SORT1: variants seen among roughly 807,000 people sequenced by gnomAD.
SORT1 encodes sortilin 1, also known as sortilin.
A neutral mutation model predicts 101.7 loss-of-function variants in SORT1; 39 were observed. The ratio of observed to expected loss-of-function variants is 0.38; its 90% CI spans 0.30 to 0.50. The LOEUF (loss-of-function observed/expected upper bound fraction) is 0.50, where lower values mean the gene tolerates loss of function less well. SORT1 is among the 20% of genes least tolerant of loss of function. SORT1 has a pLI of 0.90. For missense variants in SORT1, 878 were observed against 1,040.4 expected (o/e 0.84, Z 2.15); for synonymous variants, 396 against 393.7 (o/e 1.01, Z -0.07).
chr1:109,315,624 C>A, intron 17 of SORT1, among the ~76,000 whole-genome samples: 1 of 152,090 alleles, frequency 6.6e-6, no homozygotes, highest in East Asian at 1.9e-4. Flanking sequence ...GGGAAACGGG[C>A]CTGCTGTTGA....
At chr1:109,368,293 CAAAAA>C (rs35637507) in intron 2 of SORT1, among the ~76,000 whole-genome samples, 1 of 59,436 alleles carries the variant, frequency 1.7e-5, no homozygotes, top group Non-Finnish European at 3.3e-5. Flanking sequence ...GACTCTGTCT[CAAAAA>C]AAAAAAAAAA....
intron 1 of SORT1, among the ~76,000 whole-genome samples, chr1:109,376,117 CG>C (rs1651822063): frequency 2.0e-5 from 3 of 151,932 alleles, no homozygotes; most frequent in Non-Finnish European, 4.4e-5. Context: ...CCGAGGCGGG[CG>C]GATCACGAGG....
At chr1:109,327,208 G>A in intron 12 of SORT1, 48 bp from the exon 13 acceptor site, 2 of 1,414,760 alleles carry the variant, frequency 1.4e-6, no homozygotes, top group Non-Finnish European at 2.0e-6. Flanking sequence ...CAATGAAACA[G>A]AGAGCATTTA....
chr1:109,318,038 G>A, intron 15 of SORT1, 69 bp from the exon 16 acceptor site: 1 of 938,856 alleles, frequency 1.1e-6, no homozygotes, highest in South Asian at 1.4e-5. Context: ...AGCAATGAAG[G>A]GTTATGTGGG....
chr1:109,315,626 T>C (rs185912331), intron 17 of SORT1, among the ~76,000 whole-genome samples: 48 of 152,274 alleles, frequency 3.2e-4, no homozygotes, highest in Admixed American at 2.9e-3. Context: ...GAAACGGGCC[T>C]GCTGTTGAGC....
chr1:109,397,660 C>G lies in SORT1; in HGVS notation c.233G>C (p.Ser78Thr). The G allele has an allele frequency of 8.2e-7, 1 of 1,222,584 alleles. No individual in the cohort carries two copies. Among genetic ancestry groups the G allele is most frequent in the South Asian group, 2.1e-5 (1 of 47,766 alleles). 75.7% of individuals were successfully genotyped at this position (1,222,584 alleles called of 1,614,324 possible). ...AFPRGGRWRR[S>T]APGEDEECGR... ...GCACTCCTCGTCCTCGCCCGGCGCG[C>G]TGCGACGCCAACGGCCGCCGCGGGG... Residue 78 changes from serine (S) to threonine (T), a missense_variant, in exon 1 of 20, where the codon AGC (serine) becomes ACC (threonine). Ser to Thr is a moderately conservative substitution (Grantham distance 58, BLOSUM62 1). Transcript: ENST00000256637.
At chr1:109,334,407 T>C (rs576253479) in intron 11 of SORT1, among the ~76,000 whole-genome samples, 9 of 152,254 alleles carry the variant, frequency 5.9e-5, no homozygotes, top group Non-Finnish European at 1.2e-4. Flanking sequence ...CTGGGAGGCA[T>C]TATGTTAAGT....
rs572144102 is a variant in SORT1, at chr1:109,312,826, T to C, written c.*1217A>G. ...CTTTTAATCCAAAATAAGAACTTAA[T>C]GTATCACACAAAGCATCATCTAGAC... On this transcript the variant is annotated 3_prime_UTR_variant, in exon 20 of 20. Coordinates refer to ENST00000256637, the MANE Select transcript of SORT1 (RefSeq NM_002959.7). 1.3e-5 allele frequency: 2 copies of C among 152,212 alleles called. No individual in the cohort carries two copies. Among genetic ancestry groups the C allele is most frequent in the Non-Finnish European group, 2.9e-5 (2 of 68,046 alleles). 9.4% of individuals were successfully genotyped at this position (152,212 alleles called of 1,614,324 possible).
At position 109,345,868 on chromosome 1, in the gene SORT1, C is replaced by T. The variant is rs778828234; in HGVS notation, c.846G>A (p.Gly282=). 1.2e-6 allele frequency: 2 copies of T among 1,612,390 alleles called. No homozygotes were observed. The highest frequency in any genetic ancestry group is 3.3e-5 in the Admixed American group (2 of 59,750). ...CTGAAGTTCTCCATAATTCCAGAGC[C>T]CCAAGGTCAGCTTCTTAAACAAGAC... ...YANGSCKADL[G]ALELWRTSDL... The change falls in exon 8 of 20, where the codon GGG becomes GGA. Residue 282 remains glycine (G), a synonymous_variant. Transcript: ENST00000256637.
At chr1:109,314,108 A>G (rs755291109) in intron 19 of SORT1, 51 bp from the exon 20 acceptor site, 4 of 1,612,624 alleles carry the variant, frequency 2.5e-6, no homozygotes, top group Non-Finnish European at 3.4e-6. Flanking sequence ...CTCCTATTTC[A>G]AAAGCAATCA....
At chr1:109,350,388 C>T (rs1034448791) in intron 6 of SORT1, among the ~76,000 whole-genome samples, 2 of 152,138 alleles carry the variant, frequency 1.3e-5, no homozygotes, top group African/African-American at 4.8e-5. Flanking sequence ...GACGAGACTC[C>T]CAAGTAAGAG....
intron 5 of SORT1, among the ~76,000 whole-genome samples, chr1:109,353,252 C>T (rs546532935): frequency 1.2e-4 from 18 of 146,048 alleles, no homozygotes; most frequent in Admixed American, 7.0e-4. Flanking sequence ...CACTTGTACC[C>T]GGGAGGCGGA....
At position 109,342,032 on chromosome 1, in the gene SORT1, G is replaced by A. The variant is rs142613867; in HGVS notation, c.1090C>T (p.His364Tyr). The A allele has an allele frequency of 6.2e-7, 1 of 1,613,638 alleles. No homozygotes were observed. Among genetic ancestry groups the A allele is most frequent in the Non-Finnish European group, 8.5e-7 (1 of 1,179,844 alleles). ...LAANDDMVFMHVDEPGDTGFG... is the reference protein window; with the variant it reads ...LAANDDMVFMYVDEPGDTGFG... ...CTCTTACCTCCAGGTTCATCTACAT[G>A]CATGAATACCATGTCATCATTTGCT... Residue 364 changes from histidine (H) to tyrosine (Y), a missense_variant, in exon 9 of 20, where the codon CAT becomes TAT. His to Tyr is a moderately conservative substitution (Grantham distance 83, BLOSUM62 2). Coordinates refer to ENST00000256637, the MANE Select transcript of SORT1 (RefSeq NM_002959.7).
chr1:109,318,668 C>CT (rs948141507), intron 15 of SORT1, among the ~76,000 whole-genome samples: 5 of 151,006 alleles, frequency 3.3e-5, no homozygotes, highest in Non-Finnish European at 5.9e-5. Flanking sequence ...CCCCTCCCCG[C>CT]TTTTTTTTTG....
At chr1:109,372,930 C>A (rs1210951013) in intron 1 of SORT1, among the ~76,000 whole-genome samples, 1 of 150,726 alleles carries the variant, frequency 6.6e-6, no homozygotes, top group Non-Finnish European at 1.5e-5. Flanking sequence ...AAAAAATTAG[C>A]CAGGCGCGGT....
At chr1:109,381,855 T>A (rs1652261819) in intron 1 of SORT1, among the ~76,000 whole-genome samples, 1 of 151,598 alleles carries the variant, frequency 6.6e-6, no homozygotes. Flanking sequence ...CAGAGCAAGA[T>A]TGTCCCTTAA....
At chr1:109,372,727 G>A (rs573592523) in intron 1 of SORT1, among the ~76,000 whole-genome samples, 30 of 151,942 alleles carry the variant, frequency 2.0e-4, no homozygotes, top group East Asian at 1.7e-3. Flanking sequence ...CTGAAACCCC[G>A]TCTCTACTAA....
chr1:109,359,402 AC>A (rs1650565258), intron 3 of SORT1, among the ~76,000 whole-genome samples: 1 of 151,254 alleles, frequency 6.6e-6, no homozygotes, highest in Non-Finnish European at 1.5e-5. Context: ...GCATCCTGAC[AC>A]CCCCACCCTG....
intron 1 of SORT1, among the ~76,000 whole-genome samples, chr1:109,390,428 A>G (rs554683327): frequency 9.2e-5 from 14 of 152,296 alleles, no homozygotes; most frequent in Admixed American, 9.2e-4. Context: ...AACAATCCTA[A>G]GAGCTGCTGC....
Sources: gnomAD v4.1 joint callset for allele counts (sites outside exome capture counted in the v4.1 genomes callset) on GRCh38, gnomAD v4.1.1 for gene constraint, MANE v1.5 for transcripts, NCBI Gene and HGNC (gene_info 2026-07-23, HGNC 2026-07-21) for gene names.